Variants in GFOD1 observed in about 807,000 individuals in gnomAD.
The protein encoded by GFOD1 is glucose-fructose oxidoreductase domain-containing protein 1.
Under a neutral mutation model 25.4 loss-of-function variants are expected in GFOD1, and 9 were observed. The observed-to-expected ratio is 0.35, with a 90% CI of 0.21 to 0.62. GFOD1 has a LOEUF of 0.62. Among genes scored for constraint, GFOD1 ranks in the 20% least tolerant of loss-of-function variants. The probability of loss-of-function intolerance (pLI) is 0.72; values close to 1 mark genes in which losing one functional copy is unlikely to be tolerated. For synonymous variants in GFOD1, 253 were observed against 245.6 expected (o/e 1.03, Z -0.28); for missense variants, 403 against 556.9 (o/e 0.72, Z 2.78).
At chr6:13,426,167 G>A (rs1299682909) in intron 1 of GFOD1, among the ~76,000 whole-genome samples, 1 of 152,222 alleles carries the variant, frequency 6.6e-6, no homozygotes, top group African/African-American at 2.4e-5. Flanking sequence ...AGGTTAGTCA[G>A]GCTATGATTC....
At chr6:13,368,482 A>G (rs1554199005) in intron 1 of GFOD1, among the ~76,000 whole-genome samples, 1 of 152,222 alleles carries the variant, frequency 6.6e-6, no homozygotes, top group Non-Finnish European at 1.5e-5. Context: ...ATCTAACACC[A>G]GCTCATGCTA....
At chr6:13,445,619 C>T (rs1489741662) in intron 1 of GFOD1, among the ~76,000 whole-genome samples, 1 of 152,254 alleles carries the variant, frequency 6.6e-6, no homozygotes, top group Non-Finnish European at 1.5e-5. Context: ...GAGGAAAAGA[C>T]AGCTGGGTCT....
intron 1 of GFOD1, among the ~76,000 whole-genome samples, chr6:13,428,326 C>A (rs1206895467): frequency 6.6e-6 from 1 of 152,176 alleles, no homozygotes; most frequent in Non-Finnish European, 1.5e-5. Context: ...ACGAGCCTCA[C>A]TCAGCCCAGA....
At position 13,401,261 on chromosome 6, in the gene GFOD1, C is replaced by T. The variant is rs548466673; in HGVS notation, c.254-35599G>A. 1.9e-4 allele frequency among the ~76,000 whole-genome samples: 29 copies of T among 152,292 alleles called. 1 individual carries two copies. Among genetic ancestry groups the T allele is most frequent in the Admixed American group, 9.1e-4 (14 of 15,304 alleles). On this transcript the variant is annotated intron_variant, in intron 1 of 1. Transcript: ENST00000379287. ...AAAGGTCTAATTGCCAGGCATAAGGCGTGGGCCTGTTTGGATCCCTATTCC... is the reference window on the plus strand; with the variant it reads ...AAAGGTCTAATTGCCAGGCATAAGGTGTGGGCCTGTTTGGATCCCTATTCC...
Position 13,487,271 on chromosome 6 carries a change from C to A in GFOD1, c.-381G>T, listed in dbSNP as rs773999903. On this transcript the variant is annotated 5_prime_UTR_variant, in exon 1 of 2. Coordinates refer to ENST00000379287, the MANE Select transcript of GFOD1 (RefSeq NM_018988.4). The surrounding 1 kb of genome is among the most constrained non-coding windows in gnomAD (Gnocchi z 4.9). ...AGGCCGCTCCATGGCCGGCTCATCC[C>A]CGCGGCCGCGCCGCCGCAGCCCGGG... 4.9e-6 allele frequency: 1 copy of A among 203,760 alleles called. No homozygotes were observed. Among genetic ancestry groups the A allele is most frequent in the Non-Finnish European group, 9.7e-6 (1 of 102,914 alleles). The allele number at this position is 203,760 out of a possible 1,614,324, so 12.6% of individuals were successfully genotyped here. A position where few individuals can be genotyped will look rare whatever the true frequency, so the allele number is the denominator to read the frequency against.
intron 1 of GFOD1, among the ~76,000 whole-genome samples, chr6:13,395,226 C>T (rs913180246): frequency 7.6e-4 from 116 of 152,084 alleles, no homozygotes; most frequent in Non-Finnish European, 2.9e-5. Flanking sequence ...AAAAATTGCC[C>T]TCACAATGTC....
At chr6:13,395,167 G>A (rs1373428049) in intron 1 of GFOD1, among the ~76,000 whole-genome samples, 3 of 152,110 alleles carry the variant, frequency 2.0e-5, no homozygotes, top group Non-Finnish European at 4.4e-5. Flanking sequence ...TGACTACATT[G>A]CCAGTTCAAA....
At chr6:13,399,108 G>C (rs1026104383) in intron 1 of GFOD1, among the ~76,000 whole-genome samples, 2 of 152,040 alleles carry the variant, frequency 1.3e-5, no homozygotes, top group African/African-American at 4.8e-5. Context: ...TTAACCTCGC[G>C]GACTCAGGTG....
At chr6:13,427,366 A>G (rs1457663796) in intron 1 of GFOD1, among the ~76,000 whole-genome samples, 1 of 152,216 alleles carries the variant, frequency 6.6e-6, no homozygotes, top group East Asian at 1.9e-4. Context: ...GATGATAAAA[A>G]AGGACTTTGT....
intron 1 of GFOD1, among the ~76,000 whole-genome samples, chr6:13,416,728 TTTAA>T (rs1471354953): frequency 7.9e-5 from 12 of 152,348 alleles, no homozygotes; most frequent in African/African-American, 2.9e-4. Flanking sequence ...TGTACCAGAC[TTTAA>T]TTATTCACAA....
intron 1 of GFOD1, among the ~76,000 whole-genome samples, chr6:13,379,491 C>T (rs536737926): frequency 6.6e-6 from 1 of 152,170 alleles, no homozygotes; most frequent in African/African-American, 2.4e-5. Context: ...GCTGTGATGC[C>T]CGTGATGCAA....
intron 1 of GFOD1, among the ~76,000 whole-genome samples, chr6:13,476,351 C>T (rs771070674): frequency 1.7e-4 from 26 of 152,158 alleles, no homozygotes; most frequent in Admixed American, 3.9e-4. Flanking sequence ...CAAATGATTA[C>T]GTACTTCATG....
intron 1 of GFOD1, among the ~76,000 whole-genome samples, chr6:13,377,537 G>T (rs74990343): frequency 0.011 from 1,670 of 152,338 alleles, 21 homozygotes; most frequent in Middle Eastern, 0.044. Context: ...GCATGTGGAA[G>T]TTGGATGCTT....
chr6:13,407,580 C>G (rs1785971787), intron 1 of GFOD1, among the ~76,000 whole-genome samples: 1 of 152,188 alleles, frequency 6.6e-6, no homozygotes, highest in Admixed American at 6.5e-5. Flanking sequence ...TAGGGAGTGT[C>G]TTCAAAACAC....
intron 1 of GFOD1, among the ~76,000 whole-genome samples, chr6:13,378,137 T>C (rs1320259768): frequency 1.3e-5 from 2 of 152,168 alleles, no homozygotes; most frequent in African/African-American, 4.8e-5. Context: ...ATCACCCCCA[T>C]TTGTAGAAAA....
At position 13,383,464 on chromosome 6, in the gene GFOD1, A is replaced by G. The variant is rs77315356; in HGVS notation, c.254-17802T>C. Among the ~76,000 whole-genome samples the G allele has an allele frequency of 1.6e-3, 251 of 152,346 alleles. 3 individuals carry two copies. Among genetic ancestry groups the G allele is most frequent in the African/African-American group, 5.5e-3 (229 of 41,582 alleles). ...ACAAGATTCCTTTCAGTGACAGCCT[A>G]TCTCTGTGAAGCTGAGTTTTTGGCA... On this transcript the variant is annotated intron_variant, in intron 1 of 1. Coordinates refer to ENST00000379287, the MANE Select transcript of GFOD1 (RefSeq NM_018988.4).
At chr6:13,440,502 T>C (rs1757898216) in intron 1 of GFOD1, among the ~76,000 whole-genome samples, 1 of 152,202 alleles carries the variant, frequency 6.6e-6, no homozygotes, top group African/African-American at 2.4e-5. Context: ...ACATGAATTC[T>C]TTATTTGTGA....
chr6:13,377,106 T>C (rs1252369483), intron 1 of GFOD1, among the ~76,000 whole-genome samples: 1 of 152,116 alleles, frequency 6.6e-6, no homozygotes, highest in Non-Finnish European at 1.5e-5. Flanking sequence ...ACATTGGGTT[T>C]CTTCTGCAGA....
In GFOD1 at chr6:13,487,205, C is replaced by A. The variant is rs1210709764; in HGVS notation, c.-315G>T. 2 of 301,196 alleles carry A rather than the reference C, an allele frequency of 6.6e-6. No homozygotes were observed. Among genetic ancestry groups the A allele is most frequent in the Non-Finnish European group, 1.2e-5 (2 of 164,796 alleles). 18.7% of individuals were successfully genotyped at this position (301,196 alleles called of 1,614,324 possible). ...CCCCCTGGAGCCCCGGCTCAGGCTGCGCTCCCGCGGCAGCGCCAGTCCGCT... is the reference window on the plus strand; with the variant it reads ...CCCCCTGGAGCCCCGGCTCAGGCTGAGCTCCCGCGGCAGCGCCAGTCCGCT... On this transcript the variant is annotated 5_prime_UTR_variant, in exon 1 of 2. Coordinates refer to ENST00000379287, the MANE Select transcript of GFOD1 (RefSeq NM_018988.4). The surrounding 1 kb of genome is among the most constrained non-coding windows in gnomAD (Gnocchi z 4.9).
Sources: gnomAD v4.1 joint callset for allele counts (sites outside exome capture counted in the v4.1 genomes callset) on GRCh38, gnomAD v4.1.1 for gene constraint, Gnocchi (gnomAD v3.1) non-coding constraint, MANE v1.5 for transcripts, NCBI Gene and HGNC (gene_info 2026-07-23, HGNC 2026-07-21) for gene names.